Variants in COL6A2 observed in about 807,000 individuals in gnomAD.
The protein encoded by COL6A2 is collagen type VI alpha 2 chain, also known as collagen alpha-2(VI) chain.
Under a neutral mutation model 124.9 loss-of-function variants are expected in COL6A2, and 90 were observed. That is an observed-to-expected ratio of 0.72 (90% CI 0.61 to 0.86). The LOEUF is 0.86. Among genes scored for constraint, COL6A2 ranks in the 40% least tolerant of loss-of-function variants. The pLI is 0.00. For synonymous variants in COL6A2, 793 were observed against 618.2 expected (o/e 1.28, Z -4.19); for missense variants, 1,607 against 1,502.5 (o/e 1.07, Z -1.15).
At chr21:46,106,439 G>T (rs1054062555) in intron 1 of COL6A2, among the ~76,000 whole-genome samples, 1 of 152,226 alleles carries the variant, frequency 6.6e-6, no homozygotes, top group Admixed American at 6.5e-5. Flanking sequence ...TTGGAGTGGG[G>T]ATGGTAATAG....
Position 46,111,504 on chromosome 21 carries a change from C to T in COL6A2, c.28C>T (p.Leu10=). 6.2e-7 allele frequency: 1 copy of T among 1,612,826 alleles called. No individual in the cohort carries two copies. The highest frequency in any genetic ancestry group is 1.3e-5 in the African/African-American group (1 of 75,048). ...GCTCCAGGGCACCTGCTCCGTGCTC[C>T]TGCTCTGGGGAATCCTGGGGGCCAT... MLQGTCSVL[L]LWGILGAIQA... is the part of the protein sequence containing the mutation. Residue 10 remains leucine, a synonymous_variant, in exon 2 of 28, where the codon CTG becomes TTG. Coordinates refer to ENST00000300527, the MANE Select transcript of COL6A2 (RefSeq NM_001849.4).
rs377210303 is a variant in COL6A2 at position 46,124,689 on chromosome 21, G to A, written c.1710G>A (p.Gly570=). ...PGPPGEPGPR[G]PRGVPGPEGE... Reference sequence around the variant, plus strand: ...CCCCTGGTGAGCCAGGCCCTCGGGGGCCAAGAGGAGTCCCAGGACCCGAGG... The same window carrying A: ...CCCCTGGTGAGCCAGGCCCTCGGGGACCAAGAGGAGTCCCAGGACCCGAGG... Residue 570 remains glycine, a synonymous_variant, in exon 22 of 28, where the codon GGG becomes GGA. Coordinates refer to ENST00000300527, the MANE Select transcript of COL6A2 (RefSeq NM_001849.4). 28 of 1,612,764 alleles carry A rather than the reference G, an allele frequency of 1.7e-5. No individual in the cohort carries two copies. The highest frequency in any genetic ancestry group is 2.7e-5 in the African/African-American group (2 of 74,886).
rs762668015 is a variant in COL6A2, at chr21:46,119,120, G to A, written c.1269+1G>A. 4 of 1,609,446 alleles carry A rather than the reference G, an allele frequency of 2.5e-6. No homozygotes were observed. The Admixed American group carries it at 5.0e-5, about 20-fold the overall frequency. The stretch of plus-strand genomic sequence containing the variant: ...GCCCCGCGGACCCAAAGGCGAGCCG[G>A]TGAGTCCCTCCTGCCCCTGCCTCAG... On this transcript the variant is annotated splice_donor_variant, in intron 14 of 27. Transcript: ENST00000300527. LOFTEE classifies it high-confidence loss of function.
intron 27 of COL6A2, among the ~76,000 whole-genome samples, chr21:46,128,391 T>C (rs1332808117): frequency 6.6e-6 from 1 of 152,234 alleles, no homozygotes; most frequent in African/African-American, 2.4e-5. Flanking sequence ...CTCCAGGAGA[T>C]GCAGCAGGGA....
intron 5 of COL6A2, among the ~76,000 whole-genome samples, chr21:46,114,576 G>C (rs1207808975): frequency 1.3e-5 from 2 of 152,162 alleles, no homozygotes; most frequent in Non-Finnish European, 2.9e-5. Context: ...TAAAAAATGA[G>C]ATATGCCATT....
chr21:46,121,748 C>G (rs2078570033), intron 18 of COL6A2, 130 bp downstream of exon 18: 1 of 901,214 alleles, frequency 1.1e-6, no homozygotes. Context: ...GCCTCCTGTT[C>G]TCAGCTCTGG....
At chr21:46,115,396 T>G (rs2078456101) in intron 5 of COL6A2, among the ~76,000 whole-genome samples, 1 of 152,278 alleles carries the variant, frequency 6.6e-6, no homozygotes, top group African/African-American at 2.4e-5. Context: ...TGAATTTATT[T>G]AATAAAGTTC....
chr21:46,130,824 C>T (rs1044332211), intron 27 of COL6A2, among the ~76,000 whole-genome samples: 1 of 152,202 alleles, frequency 6.6e-6, no homozygotes, highest in Non-Finnish European at 1.5e-5. Flanking sequence ...GGAGGCTGCC[C>T]TTCCTTTCAC....
At chr21:46,114,806 TAACA>T (rs2078449628) in intron 5 of COL6A2, among the ~76,000 whole-genome samples, 2 of 152,208 alleles carry the variant, frequency 1.3e-5, no homozygotes, top group Admixed American at 6.5e-5. Flanking sequence ...CAAAACTCAC[TAACA>T]GAGTATGTGA....
rs569150646 is a variant in COL6A2, at chr21:46,121,972, C to T, written c.1522-136C>T. ...CAGGGCGAGGTTGGCCCTGCCAGGC[C>T]TCTGCTCACAGCCAGAACTCGACGG... is the stretch of plus-strand genomic sequence containing the variant. On this transcript the variant is annotated intron_variant, in intron 18 of 27. Coordinates refer to ENST00000300527, the MANE Select transcript of COL6A2 (RefSeq NM_001849.4). 160 of 928,546 alleles carry T rather than the reference C, an allele frequency of 1.7e-4. No individual in the cohort carries two copies. The East Asian group carries it at 4.1e-3, about 24-fold the overall frequency. 57.5% of individuals were successfully genotyped at this position (928,546 alleles called of 1,614,324 possible).
In COL6A2 at chr21:46,126,349, C is replaced by A. The variant is rs79666692; in HGVS notation, c.2422+112C>A. 132,507 of 1,511,820 alleles carry A rather than the reference C, an allele frequency of 0.088. 6,560 individuals are homozygous for A. Among genetic ancestry groups the A allele is most frequent in the South Asian group, 0.14 (12,670 of 88,762 alleles). The allele number at this position is 1,511,820 out of a possible 1,614,324, so 93.7% of individuals were successfully genotyped here. A position where few individuals can be genotyped will look rare whatever the true frequency, so the allele number is the denominator to read the frequency against. On this transcript the variant is annotated intron_variant, in intron 26 of 27. Coordinates refer to ENST00000300527, the MANE Select transcript of COL6A2 (RefSeq NM_001849.4). Reference sequence around the variant, plus strand: ...GAGGGATGAATGTGCAGCCCAGGATCTTGGGCTGTGGGTGGGAAGGGGTCG... The same window carrying A: ...GAGGGATGAATGTGCAGCCCAGGATATTGGGCTGTGGGTGGGAAGGGGTCG...
chr21:46,111,424 C>T, intron 1 of COL6A2, 26 bp from the exon 2 acceptor site: 2 of 1,421,644 alleles, frequency 1.4e-6, no homozygotes, highest in Non-Finnish European at 2.0e-6. Context: ...CTGGGGGTGT[C>T]TGAGCGACCC....
At chr21:46,125,663 G>T in intron 25 of COL6A2, 46 bp downstream of exon 25, 1 of 1,592,462 alleles carries the variant, frequency 6.3e-7, no homozygotes. Flanking sequence ...GGCCGGGCGG[G>T]GCGTGGGAGG....
chr21:46,121,524 T>C (rs776960378), intron 17 of COL6A2, 32 bp from the exon 18 acceptor site: 1 of 1,609,952 alleles, frequency 6.2e-7, no homozygotes, highest in Non-Finnish European at 8.5e-7. Context: ...TCCCTGCCTG[T>C]GCTGACTTCT....
intron 24 of COL6A2, 65 bp from the exon 25 acceptor site, chr21:46,125,400 T>A (rs766695034): frequency 1.2e-6 from 2 of 1,606,934 alleles, no homozygotes. Flanking sequence ...GGGTCCTGCA[T>A]GTGCACGTGA....
chr21:46,126,419 C>T, intron 26 of COL6A2, 84 bp from the exon 27 acceptor site: 4 of 1,584,346 alleles, frequency 2.5e-6, no homozygotes, highest in Non-Finnish European at 3.5e-6. Flanking sequence ...CACCCTGAGC[C>T]TGTCTAGGCA....
intron 1 of COL6A2, among the ~76,000 whole-genome samples, chr21:46,108,906 A>C (rs1369734491): frequency 6.6e-6 from 1 of 152,184 alleles, no homozygotes; most frequent in East Asian, 1.9e-4. Flanking sequence ...AGGTACACAG[A>C]CAAGTGGAGG....
chr21:46,122,987 G>T lies in COL6A2; in HGVS notation c.1671+50G>T, dbSNP rs771402931. 3 of 1,564,266 alleles carry T rather than the reference G, an allele frequency of 1.9e-6. No individual in the cohort carries two copies. In the African/African-American group the frequency reaches 4.1e-5, roughly 21 times the overall value. ...ACAGCAGCTGGGCAGAGGCAGGGAG[G>T]GGCCCTGAGGCTGAGCGTGTGCATC... On this transcript the variant is annotated intron_variant, in intron 21 of 27. Transcript: ENST00000300527.
rs754039292 is a variant in COL6A2, at chr21:46,116,367, C to T, written c.901-10C>T. 3.3e-5 allele frequency: 54 copies of T among 1,613,054 alleles called. No homozygotes were observed. The highest frequency in any genetic ancestry group is 4.4e-5 in the Non-Finnish European group (52 of 1,179,946). ...TCCTCACTAATGCCCCTCTCTCCTCCTGCCCCCAGGGCGTTCCTGGCTTCA... is the reference window on the plus strand; with the variant it reads ...TCCTCACTAATGCCCCTCTCTCCTCTTGCCCCCAGGGCGTTCCTGGCTTCA... On this transcript the variant is annotated splice_polypyrimidine_tract_variant and intron_variant, in intron 7 of 27. Coordinates refer to ENST00000300527, the MANE Select transcript of COL6A2 (RefSeq NM_001849.4). The surrounding 1 kb of genome is among the most constrained non-coding windows in gnomAD (Gnocchi z 4.6).
Sources: gnomAD v4.1 joint callset for allele counts (sites outside exome capture counted in the v4.1 genomes callset) on GRCh38, gnomAD v4.1.1 for gene constraint, Gnocchi (gnomAD v3.1) non-coding constraint, MANE v1.5 for transcripts, NCBI Gene and HGNC (gene_info 2026-07-23, HGNC 2026-07-21) for gene names.